CLK2: variants seen among roughly 807,000 people sequenced by gnomAD.
CLK2 encodes dual specificity protein kinase CLK2.
A neutral mutation model predicts 73.5 loss-of-function variants in CLK2; 12 were observed. The ratio of observed to expected loss-of-function variants is 0.16; its 90% CI spans 0.10 to 0.26. The LOEUF (loss-of-function observed/expected upper bound fraction) is 0.26. Among genes scored for constraint, CLK2 ranks in the 10% least tolerant of loss-of-function variants. The pLI, the probability that CLK2 is intolerant of heterozygous loss-of-function variation, is 1.00. For synonymous variants in CLK2, 232 were observed against 237.9 expected, an observed-to-expected ratio of 0.98 and a Z score of 0.23; for missense variants, 509 against 688.4, an observed-to-expected ratio of 0.74 and a Z score of 2.92.
rs1175461757 is a variant in CLK2 at position 155,268,783 on chromosome 1, G to A, written c.412C>T (p.Arg138Trp). 6.2e-6 allele frequency: 10 copies of A among 1,612,808 alleles called. No homozygotes were observed. The highest frequency in any genetic ancestry group is 1.7e-5 in the Admixed American group (1 of 59,964). Residue 138 changes from arginine (R) to tryptophan (W), a missense_variant, in exon 4 of 13, where the codon CGG becomes TGG. Arg to Trp is a moderately radical substitution (Grantham distance 101). Coordinates refer to ENST00000368361, the MANE Select transcript of CLK2 (RefSeq NM_001294338.2). The surrounding 1 kb of genome is among the most constrained non-coding windows in gnomAD (Gnocchi z 5.6). ...TCGTCCTCTACACTCTTGGCTCTCCGGCTGCTGTGCTGCTGTCGGGGGGCA... is the reference window on the plus strand; with the variant it reads ...TCGTCCTCTACACTCTTGGCTCTCCAGCTGCTGTGCTGCTGTCGGGGGGCA... ...FSRSSSQHSS[R>W]RAKSVEDDAE...
intron 2 of CLK2, 93 bp downstream of exon 2, chr1:155,270,715 G>C (rs779649849): frequency 8.0e-6 from 11 of 1,374,428 alleles, no homozygotes; most frequent in Non-Finnish European, 1.0e-5. Flanking sequence ...AGCTACTTAA[G>C]GCAATGGTTT....
chr1:155,266,377 C>T (rs1019555799), intron 7 of CLK2, among the ~76,000 whole-genome samples: 3 of 152,156 alleles, frequency 2.0e-5, no homozygotes, highest in African/African-American at 7.2e-5. Context: ...TCATCCCAGA[C>T]AAATGTAAGC....
Position 155,268,537 on chromosome 1 carries a change from C to T in CLK2, c.487+171G>A, listed in dbSNP as rs1396912706. 1.4e-5 allele frequency: 11 copies of T among 778,470 alleles called. No individual in the cohort carries two copies. Among genetic ancestry groups the T allele is most frequent in the East Asian group, 2.5e-5 (1 of 39,528 alleles). The allele number at this position is 778,470 out of a possible 1,614,324, so 48.2% of individuals were successfully genotyped here. A position where few individuals can be genotyped will look rare whatever the true frequency, so the allele number is the denominator to read the frequency against. ...TTCCCACCACCTTTAACCCAGGGGCCGTGAGAGCTGGGAGTGGACAACAGA... is the reference window on the plus strand; with the variant it reads ...TTCCCACCACCTTTAACCCAGGGGCTGTGAGAGCTGGGAGTGGACAACAGA... On this transcript the variant is annotated intron_variant, in intron 4 of 12. Coordinates refer to ENST00000368361, the MANE Select transcript of CLK2 (RefSeq NM_001294338.2). The surrounding 1 kb of genome is among the most constrained non-coding windows in gnomAD (Gnocchi z 5.6).
At chr1:155,270,507 T>G (rs1673443893) in intron 2 of CLK2, among the ~76,000 whole-genome samples, 1 of 152,226 alleles carries the variant, frequency 6.6e-6, no homozygotes, top group African/African-American at 2.4e-5. Flanking sequence ...CCAAAGACAC[T>G]TCCCCCACCT....
At chr1:155,263,767 C>T in intron 12 of CLK2, 183 bp downstream of exon 12, 1 of 969,218 alleles carries the variant, frequency 1.0e-6, no homozygotes. Flanking sequence ...GCTGTCTAAC[C>T]TCCTTCCCTC....
intron 6 of CLK2, among the ~76,000 whole-genome samples, chr1:155,267,341 T>A (rs540149469): frequency 6.6e-6 from 1 of 152,126 alleles, no homozygotes; most frequent in Non-Finnish European, 1.5e-5. Context: ...TCCACCCGCC[T>A]CGGCCTCCAA....
intron 7 of CLK2, 94 bp from the exon 8 acceptor site, chr1:155,266,048 G>A: frequency 1.2e-6 from 1 of 811,756 alleles, no homozygotes; most frequent in South Asian, 1.3e-5. Context: ...GGCAAAGCCA[G>A]TGAGGAGACA....
Position 155,268,522 on chromosome 1 carries a change from C to T in CLK2, c.488-163G>A. On this transcript the variant is annotated intron_variant, in intron 4 of 12. Transcript: ENST00000368361. This position sits in a 1 kb window ranked among gnomAD's most constrained non-coding sequence, Gnocchi z 5.6. ...AAAACCCCTGCGTGATTCCCACCACCTTTAACCCAGGGGCCGTGAGAGCTG... is the reference window on the plus strand; with the variant it reads ...AAAACCCCTGCGTGATTCCCACCACTTTTAACCCAGGGGCCGTGAGAGCTG... The T allele has an allele frequency of 1.3e-6, 1 of 778,186 alleles. No individual in the cohort carries two copies. The highest frequency in any genetic ancestry group is 2.4e-4 in the Middle Eastern group (1 of 4,242). 48.2% of individuals were successfully genotyped at this position (778,186 alleles called of 1,614,324 possible). A position where few individuals can be genotyped will look rare whatever the true frequency, so the allele number is the denominator to read the frequency against.
chr1:155,271,704 T>A (rs1028344011), intron 1 of CLK2, among the ~76,000 whole-genome samples: 16 of 152,110 alleles, frequency 1.1e-4, no homozygotes, highest in African/African-American at 3.9e-4. Flanking sequence ...GTCAATAGAG[T>A]AAAGCTTTGG....
intron 6 of CLK2, among the ~76,000 whole-genome samples, 160 bp downstream of exon 6, chr1:155,267,850 C>T (rs149300184): frequency 6.6e-5 from 10 of 152,282 alleles, no homozygotes; most frequent in South Asian, 4.1e-4. Context: ...GGGCCCCCCC[C>T]CTTTCCTACC....
intron 8 of CLK2, 115 bp from the exon 9 acceptor site, chr1:155,264,889 A>C: frequency 7.6e-7 from 1 of 1,317,072 alleles, no homozygotes; most frequent in Non-Finnish European, 1.0e-6. Context: ...GCCTGGCCTT[A>C]CAAGCCCTGG....
At chr1:155,264,372 G>T in intron 10 of CLK2, 72 bp from the exon 11 acceptor site, 1 of 1,601,658 alleles carries the variant, frequency 6.2e-7, no homozygotes, top group Non-Finnish European at 8.6e-7. Context: ...AGGAAGGCAG[G>T]CAATGTGGAG....
Position 155,268,661 on chromosome 1 carries a change from C to T in CLK2, c.487+47G>A. ...AGGTTGGCTTGGGACGTTAGGATGGCTATGGGACCATTACAGGCTATAGGA... is the reference window on the plus strand; with the variant it reads ...AGGTTGGCTTGGGACGTTAGGATGGTTATGGGACCATTACAGGCTATAGGA... On this transcript the variant is annotated intron_variant, in intron 4 of 12. Coordinates refer to ENST00000368361, the MANE Select transcript of CLK2 (RefSeq NM_001294338.2). The surrounding 1 kb of genome is among the most constrained non-coding windows in gnomAD (Gnocchi z 5.6). 1 of 1,542,872 alleles carries T rather than the reference C, an allele frequency of 6.5e-7. No homozygotes were observed. The highest frequency in any genetic ancestry group is 1.4e-5 in the African/African-American group (1 of 73,576).
chr1:155,264,254 C>T lies in CLK2; in HGVS notation c.1193G>A (p.Gly398Asp), dbSNP rs1210667925. Residue 398 changes from glycine (G) to aspartate (D), a missense_variant, in exon 11 of 13, where the codon GGT (glycine) becomes GAT (aspartate). By Grantham distance (94) the Gly-to-Asp change is moderately conservative (BLOSUM62 -1). Coordinates refer to ENST00000368361, the MANE Select transcript of CLK2 (RefSeq NM_001294338.2). ...EHLAMMERILGPIPSRMIRKT... is the reference protein window; with the variant it reads ...EHLAMMERILDPIPSRMIRKT... Reference sequence around the variant, plus strand: ...TCGGATCATCCGGGAAGGGATAGGACCCAAGATCCTTTCCATCATGGCTAG... The same window carrying T: ...TCGGATCATCCGGGAAGGGATAGGATCCAAGATCCTTTCCATCATGGCTAG... The T allele has an allele frequency of 6.2e-7, 1 of 1,614,180 alleles. No individual in the cohort carries two copies. Among genetic ancestry groups the T allele is most frequent in the South Asian group, 1.1e-5 (1 of 91,080 alleles).
In CLK2 at chr1:155,267,381, T is replaced by C. The variant is rs142024136; in HGVS notation, c.672-486A>G. Among the ~76,000 whole-genome samples, 22 of 152,350 alleles carry C rather than the reference T, an allele frequency of 1.4e-4. 1 individual carries two copies. The East Asian group carries it at 4.2e-3, about 29-fold the overall frequency. On this transcript the variant is annotated intron_variant, in intron 6 of 12. Coordinates refer to ENST00000368361, the MANE Select transcript of CLK2 (RefSeq NM_001294338.2). ...CTGGGATTACAGGCGTGAGCCACCA[T>C]GCCCAGCCCAAGTTTCAAAATATCT... is the stretch of plus-strand genomic sequence containing the variant.
intron 11 of CLK2, 90 bp downstream of exon 11, chr1:155,264,131 G>T: frequency 6.4e-7 from 1 of 1,557,658 alleles, no homozygotes; most frequent in East Asian, 2.2e-5. Context: ...GGGGAGAGGA[G>T]GTATCAAAGA....
intron 11 of CLK2, 44 bp downstream of exon 11, chr1:155,264,177 G>T (rs368267463): frequency 1.9e-6 from 3 of 1,603,206 alleles, no homozygotes; most frequent in Non-Finnish European, 2.6e-6. Flanking sequence ...CAATTCTGTG[G>T]AGAGAAAAGG....
chr1:155,267,755 C>T (rs538642544), intron 6 of CLK2, among the ~76,000 whole-genome samples: 3 of 152,190 alleles, frequency 2.0e-5, no homozygotes, highest in Non-Finnish European at 4.4e-5. Context: ...GGGTATATCT[C>T]TACAGAAGCC....
intron 8 of CLK2, among the ~76,000 whole-genome samples, chr1:155,265,476 AG>A (rs1398894146): frequency 1.4e-4 from 22 of 152,208 alleles, no homozygotes; most frequent in African/African-American, 5.1e-4. Flanking sequence ...CTGAGGCAGG[AG>A]AATCACTTAA....
Sources: gnomAD v4.1 joint callset for allele counts (sites outside exome capture counted in the v4.1 genomes callset) on GRCh38, gnomAD v4.1.1 for gene constraint, Gnocchi (gnomAD v3.1) non-coding constraint, MANE v1.5 for transcripts, NCBI Gene and HGNC (gene_info 2026-07-23, HGNC 2026-07-21) for gene names.